The following DOCK5 variants were observed in gnomAD, a reference collection of about 807,000 sequenced individuals.
DOCK5 encodes dedicator of cytokinesis protein 5.
In DOCK5, 142 loss-of-function variants were observed where a neutral mutation model predicts 251.8. The ratio of observed to expected loss-of-function variants is 0.56; its 90% CI spans 0.49 to 0.65. The LOEUF (loss-of-function observed/expected upper bound fraction) is 0.65. DOCK5 is among the 30% of genes least tolerant of loss of function. The pLI, the probability that DOCK5 is intolerant of heterozygous loss-of-function variation, is 0.00. For synonymous variants in DOCK5, 842 were observed against 835.5 expected (o/e 1.01, Z -0.13); for missense variants, 2,111 against 2,312.3 (o/e 0.91, Z 1.79).
chr8:25,277,829 G>A (rs1369611634), intron 4 of DOCK5, among the ~76,000 whole-genome samples: 2 of 152,164 alleles, frequency 1.3e-5, no homozygotes, highest in East Asian at 3.8e-4. Flanking sequence ...TACTATACCA[G>A]AAATTCAAAC....
chr8:25,387,581 ACTT>A lies in DOCK5; in HGVS notation c.4132-1503_4132-1501del, dbSNP rs1159121229. Among the ~76,000 whole-genome samples, 8 of 152,238 alleles carry A rather than the reference ACTT, an allele frequency of 5.3e-5. No homozygotes were observed. In the East Asian group the frequency reaches 9.7e-4, roughly 18 times the overall value. On this transcript the variant is annotated intron_variant, in intron 40 of 51. Coordinates refer to ENST00000276440, the MANE Select transcript of DOCK5 (RefSeq NM_024940.8). ...GCCACTGTTGGCTTACATTGTCTACACTTCTTCTTTCATCATGCATCTCCTGCC... is the reference window on the plus strand; with the variant it reads ...GCCACTGTTGGCTTACATTGTCTACACTTCTTTCATCATGCATCTCCTGCC...
In DOCK5 at chr8:25,264,383, C is replaced by CA. The variant is rs1160631563; in HGVS notation, c.128-4454dup. Reference sequence around the variant, plus strand: ...AGATCCTGCCACAAGAAAAAAACAACAAAAAAAACCTCATCAATGTATATA... The same window carrying CA: ...AGATCCTGCCACAAGAAAAAAACAACAAAAAAAAACCTCATCAATGTATATA... On this transcript the variant is annotated intron_variant, in intron 2 of 51. Transcript: ENST00000276440. Among the ~76,000 whole-genome samples the CA allele has an allele frequency of 1.0e-3, 154 of 150,838 alleles. 3 individuals carry two copies. Among genetic ancestry groups the CA allele is most frequent in the African/African-American group, 3.5e-3 (143 of 40,862 alleles).
In DOCK5 at chr8:25,372,596, A is replaced by G; in HGVS notation, c.3562A>G (p.Ser1188Gly). Residue 1188 changes from serine to glycine, a missense_variant, in exon 35 of 52, where the codon AGC becomes GGC. This residue lies in a region of DOCK5 where 1,717 missense variants were observed against 1,892.4 expected (regional missense o/e 0.91). Transcript: ENST00000276440. ...EHCRKHKYLS[S>G]SGEVFALLVS... is the part of the protein sequence containing the mutation. ...TTGCCGGAAACACAAATACCTCTCC[A>G]GCTCTGGGGAGGTCTTCGCCCTCCT... 6.3e-7 allele frequency: 1 copy of G among 1,594,164 alleles called. No homozygotes were observed.
chr8:25,374,633 C>G lies in DOCK5; in HGVS notation c.3795C>G (p.Leu1265=), dbSNP rs1438932943. The G allele has an allele frequency of 6.2e-7, 1 of 1,613,982 alleles. No individual in the cohort carries two copies. The highest frequency in any genetic ancestry group is 2.2e-5 in the East Asian group (1 of 44,882). Residue 1265 remains leucine, a synonymous_variant, in exon 37 of 52, where the codon CTC becomes CTG. Coordinates refer to ENST00000276440, the MANE Select transcript of DOCK5 (RefSeq NM_024940.8). ...ENYTEAAYTL[L]LHAELLQWSD... ...ACACAGAAGCTGCCTACACGCTTCTCTTGCACGCTGAGCTTCTGCAGGTGA... is the reference window on the plus strand; with the variant it reads ...ACACAGAAGCTGCCTACACGCTTCTGTTGCACGCTGAGCTTCTGCAGGTGA...
intron 11 of DOCK5, among the ~76,000 whole-genome samples, chr8:25,307,138 A>C (rs1421167744): frequency 1.3e-5 from 2 of 148,774 alleles, no homozygotes; most frequent in African/African-American, 5.0e-5. Context: ...TTTTTTTTTG[A>C]GACGGAGATT....
Position 25,408,851 on chromosome 8 carries a change from A to C in DOCK5, c.5315A>C (p.Asn1772Thr), listed in dbSNP as rs1801568530. The C allele has an allele frequency of 2.5e-6, 4 of 1,613,890 alleles. No individual in the cohort carries two copies. The highest frequency in any genetic ancestry group is 3.4e-6 in the Non-Finnish European group (4 of 1,179,894). Residue 1772 changes from asparagine to threonine, a missense_variant, in exon 50 of 52, where the codon AAT (asparagine) becomes ACT (threonine). By Grantham distance (65) the Asn-to-Thr change is moderately conservative. This residue lies in a region of DOCK5 where 1,717 missense variants were observed against 1,892.4 expected (regional missense o/e 0.91). Transcript: ENST00000276440. ...QRPKSLQLMD[N>T]RLSPFHGSSP... ...CCAAAGAGTCTCCAGTTGATGGATA[A>C]TCGGCTATCACCATTTCACGGTTCT...
At chr8:25,329,141 T>C (rs1477524143) in intron 18 of DOCK5, among the ~76,000 whole-genome samples, 1 of 152,210 alleles carries the variant, frequency 6.6e-6, no homozygotes, top group African/African-American at 2.4e-5. Flanking sequence ...ATTCTCTCCT[T>C]TAGGGTAGAA....
Position 25,325,483 on chromosome 8 carries a change from G to T in DOCK5, c.1839G>T (p.Lys613Asn). The change falls in exon 18 of 52, where the codon AAG (lysine) becomes AAT (asparagine). Residue 613 changes from lysine (K) to asparagine (N), a missense_variant. Around this residue, in one of 3 missense-constraint regions of DOCK5, gnomAD observed 1,717 missense variants for 1,892.4 expected, o/e 0.91. Coordinates refer to ENST00000276440, the MANE Select transcript of DOCK5 (RefSeq NM_024940.8). ...SKNLVTFTPS[K>N]DSTKDSFQIA... is the part of the protein sequence containing the mutation. ...ACCTGGTCACCTTCACCCCAAGCAA[G>T]GATAGCACTAAAGACAGCTTTCAGA... is the stretch of plus-strand genomic sequence containing the variant. The T allele has an allele frequency of 6.2e-7, 1 of 1,613,846 alleles. No homozygotes were observed. The highest frequency in any genetic ancestry group is 2.2e-5 in the East Asian group (1 of 44,862).
chr8:25,226,590 G>GTTTTTTTT (rs574512849), intron 1 of DOCK5, among the ~76,000 whole-genome samples: 1 of 142,656 alleles, frequency 7.0e-6, no homozygotes, highest in African/African-American at 2.6e-5. Context: ...TTAATTTTAA[G>GTTTTTTTT]TTTTTTTTTT....
At chr8:25,407,244 G>GTAGTAGAAGT (rs1378300713) in intron 48 of DOCK5, among the ~76,000 whole-genome samples, 2 of 151,920 alleles carry the variant, frequency 1.3e-5, no homozygotes, top group Non-Finnish European at 2.9e-5. Flanking sequence ...ATTACTTCTA[G>GTAGTAGAAGT]AATCTAGATT....
rs766001492 is a variant in DOCK5 at position 25,243,711 on chromosome 8, C to G, written c.81C>G (p.Leu27=). 6.2e-7 allele frequency: 1 copy of G among 1,613,744 alleles called. No individual in the cohort carries two copies. The highest frequency in any genetic ancestry group is 1.3e-5 in the African/African-American group (1 of 75,040). The change falls in exon 2 of 52, where the codon CTC becomes CTG. Residue 27 remains leucine, a synonymous_variant. Transcript: ENST00000276440. ...YNYNASQDVE[L]SLQIGDTVHI... ...ACAATGCTTCTCAAGATGTGGAGCTCTCCTTGCAGATCGGTGACACAGTTC... is the reference window on the plus strand; with the variant it reads ...ACAATGCTTCTCAAGATGTGGAGCTGTCCTTGCAGATCGGTGACACAGTTC...
At chr8:25,286,204 T>C (rs1348760921) in intron 5 of DOCK5, among the ~76,000 whole-genome samples, 2 of 152,052 alleles carry the variant, frequency 1.3e-5, no homozygotes, top group Non-Finnish European at 2.9e-5. Flanking sequence ...GACCCAGGTG[T>C]TACAGCTACG....
chr8:25,217,765 A>G (rs1006927189), intron 1 of DOCK5, among the ~76,000 whole-genome samples: 7 of 152,168 alleles, frequency 4.6e-5, no homozygotes, highest in Non-Finnish European at 8.8e-5. Flanking sequence ...CATTAATCTA[A>G]CATTGAATCA....
At chr8:25,379,882 A>C (rs1801034411) in intron 38 of DOCK5, among the ~76,000 whole-genome samples, 1 of 151,668 alleles carries the variant, frequency 6.6e-6, no homozygotes, top group African/African-American at 2.4e-5. Flanking sequence ...ACCCATACAC[A>C]CACCTGTACA....
intron 1 of DOCK5, among the ~76,000 whole-genome samples, chr8:25,210,020 A>ATG (rs1383272191): frequency 0.16 from 5,119 of 31,100 alleles, 1,872 homozygotes; most frequent in African/African-American, 0.2. Flanking sequence ...ATATATATAT[A>ATG]TATATATATA....
At chr8:25,364,430 C>T (rs1481555404) in intron 29 of DOCK5, among the ~76,000 whole-genome samples, 196 bp from the exon 30 acceptor site, 1 of 152,162 alleles carries the variant, frequency 6.6e-6, no homozygotes, top group Non-Finnish European at 1.5e-5. Flanking sequence ...AGTGGCTCTT[C>T]TTGTTTGTTC....
intron 25 of DOCK5, 61 bp downstream of exon 25, chr8:25,342,568 C>T (rs895107821): frequency 3.1e-6 from 4 of 1,291,064 alleles, no homozygotes; most frequent in East Asian, 2.7e-5. Flanking sequence ...CACCATTGCA[C>T]TCCAGCCTGG....
At chr8:25,241,220 T>A (rs1008006267) in intron 1 of DOCK5, among the ~76,000 whole-genome samples, 1 of 152,138 alleles carries the variant, frequency 6.6e-6, no homozygotes, top group Non-Finnish European at 1.5e-5. Context: ...CTCACGCCTG[T>A]AATCCCAGCA....
intron 16 of DOCK5, among the ~76,000 whole-genome samples, chr8:25,323,369 G>C (rs547171834): frequency 6.6e-6 from 1 of 152,322 alleles, no homozygotes; most frequent in East Asian, 1.9e-4. Context: ...GAAGCAGCGT[G>C]GTTGACATGA....
Sources: allele counts gnomAD v4.1 joint callset (sites outside exome capture counted in the v4.1 genomes callset), GRCh38; gene constraint gnomAD v4.1.1; regional missense constraint gnomAD v4.1.1; transcripts MANE v1.5; gene names NCBI Gene and HGNC (gene_info 2026-07-23, HGNC 2026-07-21).